Variants in CFAP47 observed in about 807,000 individuals in gnomAD.
CFAP47 encodes cilia- and flagella-associated protein 47.
In CFAP47, 29 loss-of-function variants were observed where a neutral mutation model predicts 148.1. The observed-to-expected ratio is 0.20, with a 90% CI of 0.15 to 0.27. The LOEUF (loss-of-function observed/expected upper bound fraction) is 0.27, where lower values mean the gene tolerates loss of function less well. Among genes scored for constraint, CFAP47 ranks in the 10% least tolerant of loss-of-function variants. CFAP47 has a pLI of 1.00. For synonymous variants in CFAP47, 664 were observed against 577.3 expected, an observed-to-expected ratio of 1.15 and a Z score of -2.15; for missense variants, 1,872 against 1,697.5, an observed-to-expected ratio of 1.10 and a Z score of -1.81.
intron 42 of CFAP47, among the ~76,000 whole-genome samples, chrX:36,193,990 G>A (rs1248344601): frequency 9.0e-6 from 1 of 111,351 alleles, no homozygotes. Flanking sequence ...CACCTCACAT[G>A]ACATGGCACA....
At chrX:36,276,065 T>A (rs1249631924) in intron 49 of CFAP47, among the ~76,000 whole-genome samples, 1 of 110,150 alleles carries the variant, frequency 9.1e-6, no homozygotes, top group African/African-American at 3.3e-5. Flanking sequence ...TATATATATA[T>A]ATAATCTTAA....
At chrX:36,146,944 G>C (rs1048849692) in intron 36 of CFAP47, among the ~76,000 whole-genome samples, 4 of 110,633 alleles carry the variant, frequency 3.6e-5, no homozygotes, top group Non-Finnish European at 7.6e-5. Context: ...ACCATGCCCA[G>C]CTAATTTTTT....
chrX:36,298,956 A>G (rs995640364), intron 51 of CFAP47, 21 bp from the exon 52 acceptor site: 132 of 1,066,245 alleles, frequency 1.2e-4, no homozygotes, highest in Admixed American at 6.2e-4. Context: ...AGTTGATTAC[A>G]TATTTGTTGT....
At chrX:36,206,671 A>G (rs1940042542) in intron 45 of CFAP47, among the ~76,000 whole-genome samples, 1 of 112,097 alleles carries the variant, frequency 8.9e-6, no homozygotes, top group African/African-American at 3.2e-5. Flanking sequence ...AACTTGAAGT[A>G]TAGCCTTATT....
chrX:36,149,620 T>C (rs1281154709), intron 37 of CFAP47, among the ~76,000 whole-genome samples: 1 of 107,666 alleles, frequency 9.3e-6, no homozygotes, highest in African/African-American at 3.4e-5. Flanking sequence ...TTATTTTATT[T>C]TTTTTTGAGA....
At position 35,926,771 on chromosome X, in the gene CFAP47, C is replaced by T. The variant is rs570210481; in HGVS notation, c.401+603C>T. On this transcript the variant is annotated intron_variant, in intron 2 of 63. Transcript: ENST00000378653. Reference sequence around the variant, plus strand: ...GTGTTTTCTTTTGCCTCTATTTGCCCACCACCTACAGAATTAATTTGGAAT... The same window carrying T: ...GTGTTTTCTTTTGCCTCTATTTGCCTACCACCTACAGAATTAATTTGGAAT... Among the ~76,000 whole-genome samples, 66 of 111,031 alleles carry T rather than the reference C, an allele frequency of 5.9e-4. No homozygotes were observed. In the South Asian group the frequency reaches 0.023, roughly 39 times the overall value.
At chrX:36,374,715 G>A (rs1942005210) in intron 62 of CFAP47, 2 of 389,467 alleles carry the variant, frequency 5.1e-6, no homozygotes, top group Admixed American at 4.5e-5. Flanking sequence ...GTTTTGTTTT[G>A]TTGTGTTTTC....
At chrX:35,960,380 GAAAAAAAAAA>G (rs1188987905) in intron 8 of CFAP47, among the ~76,000 whole-genome samples, 52 of 15,489 alleles carry the variant, frequency 3.4e-3, no homozygotes, top group Admixed American at 5.3e-3. Flanking sequence ...GCTAATTTCT[GAAAAAAAAAA>G]AAAAAAAAAA....
At chrX:36,300,690 G>A (rs1282384655) in intron 52 of CFAP47, among the ~76,000 whole-genome samples, 3 of 112,122 alleles carry the variant, frequency 2.7e-5, no homozygotes, top group African/African-American at 6.5e-5. Context: ...TCACTTGATA[G>A]CATTCACATG....
At chrX:36,069,800 G>A (rs1255504574) in intron 27 of CFAP47, among the ~76,000 whole-genome samples, 1 of 110,468 alleles carries the variant, frequency 9.1e-6, no homozygotes, top group Non-Finnish European at 1.9e-5. Flanking sequence ...TGTGTGCTAG[G>A]GTATGATATG....
At chrX:35,937,112 T>G (rs1294652419) in intron 2 of CFAP47, among the ~76,000 whole-genome samples, 1 of 62,554 alleles carries the variant, frequency 1.6e-5, no homozygotes, top group Non-Finnish European at 2.7e-5. Flanking sequence ...CTGTTTTTTT[T>G]TTTTTTTTTT....
At chrX:36,314,881 G>A (rs912780795) in intron 56 of CFAP47, among the ~76,000 whole-genome samples, 2 of 111,392 alleles carry the variant, frequency 1.8e-5, no homozygotes, top group Admixed American at 9.6e-5. Context: ...CATTTTGAAC[G>A]CTAACTGTAG....
chrX:36,329,249 C>T (rs1941544686), intron 57 of CFAP47, among the ~76,000 whole-genome samples: 1 of 110,522 alleles, frequency 9.0e-6, no homozygotes, highest in Non-Finnish European at 1.9e-5. Context: ...TAAAGAGGCA[C>T]TGAAAAGGGA....
intron 46 of CFAP47, among the ~76,000 whole-genome samples, chrX:36,233,870 A>G (rs781859206): frequency 9.0e-6 from 1 of 110,659 alleles, no homozygotes; most frequent in South Asian, 3.9e-4. Flanking sequence ...TCCTTCACTT[A>G]TGAAGCTTAG....
intron 60 of CFAP47, among the ~76,000 whole-genome samples, chrX:36,358,663 G>C (rs948050096): frequency 3.6e-5 from 4 of 111,526 alleles, no homozygotes; most frequent in Non-Finnish European, 7.5e-5. Context: ...ACCCTGCATT[G>C]TCTCGCTCTT....
chrX:36,378,465 T>G (rs1331271276), intron 62 of CFAP47, among the ~76,000 whole-genome samples: 1 of 112,537 alleles, frequency 8.9e-6, no homozygotes, highest in Non-Finnish European at 1.9e-5. Context: ...TGGATTAATT[T>G]ACAAATGCCT....
intron 46 of CFAP47, among the ~76,000 whole-genome samples, 199 bp downstream of exon 46, chrX:36,229,023 G>A (rs1263221395): frequency 9.0e-6 from 1 of 110,961 alleles, no homozygotes; most frequent in Non-Finnish European, 1.9e-5. Context: ...CACTTCTGCT[G>A]GCTCTTTGCT....
At chrX:36,154,625 C>T (rs965380638) in intron 37 of CFAP47, among the ~76,000 whole-genome samples, 2 of 111,837 alleles carry the variant, frequency 1.8e-5, no homozygotes, top group East Asian at 2.8e-4. Flanking sequence ...TCCAGAATCA[C>T]CCTTTTAGGT....
At chrX:36,278,574 A>C (rs1178586615) in intron 49 of CFAP47, among the ~76,000 whole-genome samples, 3 of 112,168 alleles carry the variant, frequency 2.7e-5, no homozygotes, top group African/African-American at 6.5e-5. Context: ...TGCCCTGCTT[A>C]GGCTCACCCT....
Sources: gnomAD v4.1 joint callset for allele counts (sites outside exome capture counted in the v4.1 genomes callset) on GRCh38, gnomAD v4.1.1 for gene constraint, MANE v1.5 for transcripts, NCBI Gene and HGNC (gene_info 2026-07-23, HGNC 2026-07-21) for gene names.